Variants in ST6GAL2 observed in about 807,000 individuals in gnomAD.
ST6GAL2 encodes beta-galactoside alpha-2,6-sialyltransferase 2.
ST6GAL2 carries 24 observed loss-of-function variants against 37.5 expected under a neutral mutation model. The observed-to-expected ratio is 0.64, with a 90% confidence interval of 0.46 to 0.90. The LOEUF is 0.90. Ranked by LOEUF, ST6GAL2 falls within the 40% of genes least tolerant of loss-of-function variation. ST6GAL2 has a pLI of 0.00. For missense variants in ST6GAL2, 715 were observed against 712.7 expected (o/e 1.00, Z -0.04); for synonymous variants, 306 against 295.1 (o/e 1.04, Z -0.38).
chr2:106,829,955 G>C lies in ST6GAL2; in HGVS notation c.1318+111C>G, dbSNP rs1011233583. ...AAATCAGAAATACTTCTGGTTCCAG[G>C]CATTTCAGATAAGGTATTTTCAACC... On this transcript the variant is annotated intron_variant, in intron 5 of 5. Transcript: ENST00000409382. 2.0e-5 allele frequency: 20 copies of C among 997,272 alleles called. 1 individual carries two copies. In the South Asian group the frequency reaches 2.7e-4, roughly 14 times the overall value. 61.8% of individuals were successfully genotyped at this position (997,272 alleles called of 1,614,324 possible).
In ST6GAL2 at chr2:106,806,574, A is replaced by C; in HGVS notation, c.*104T>G. The C allele has an allele frequency of 1.5e-6, 2 of 1,312,202 alleles. No individual in the cohort carries two copies. Among genetic ancestry groups the C allele is most frequent in the Non-Finnish European group, 2.1e-6 (2 of 946,554 alleles). The allele number at this position is 1,312,202 out of a possible 1,614,324, so 81.3% of individuals were successfully genotyped here. On this transcript the variant is annotated 3_prime_UTR_variant, in exon 6 of 6. Transcript: ENST00000409382. ...ATGACCACCACTAAATTACTGTTTA[A>C]AGACTCAAAACTACACTGTCTAAAA...
chr2:106,852,921 G>A lies in ST6GAL2; in HGVS notation c.-57-8887C>T, dbSNP rs540736537. 9.9e-5 allele frequency among the ~76,000 whole-genome samples: 15 copies of A among 152,258 alleles called. No homozygotes were observed. In the South Asian group the frequency reaches 1.7e-3, roughly 17 times the overall value. ...CTCACTCACATTGTCTCGATTCCTC[G>A]TCTCAGTTTAATCTTGACAACAAAT... is the stretch of plus-strand genomic sequence containing the variant. On this transcript the variant is annotated intron_variant, in intron 1 of 5. Transcript: ENST00000409382.
Position 106,809,432 on chromosome 2 carries a change from C to T in ST6GAL2, c.1319-2483G>A, listed in dbSNP as rs915107302. Among the ~76,000 whole-genome samples the T allele has an allele frequency of 8.5e-5, 13 of 152,200 alleles. 1 individual carries two copies. In the South Asian group the frequency reaches 1.0e-3, roughly 12 times the overall value. On this transcript the variant is annotated intron_variant, in intron 5 of 5. Coordinates refer to ENST00000409382, the MANE Select transcript of ST6GAL2 (RefSeq NM_001142351.2). Reference sequence around the variant, plus strand: ...TTTCTATGAGCTAATAACACAATGGCGTCCGTAAGGACTGGAGTCAGTTGT... The same window carrying T: ...TTTCTATGAGCTAATAACACAATGGTGTCCGTAAGGACTGGAGTCAGTTGT...
intron 2 of ST6GAL2, among the ~76,000 whole-genome samples, chr2:106,841,921 C>T (rs1244240309): frequency 1.3e-5 from 2 of 152,154 alleles, no homozygotes; most frequent in South Asian, 2.1e-4. Context: ...GCCACAGTGC[C>T]CAGCTGGTTG....
intron 1 of ST6GAL2, among the ~76,000 whole-genome samples, chr2:106,871,759 G>T (rs566559733): frequency 6.6e-6 from 1 of 152,146 alleles, no homozygotes; most frequent in African/African-American, 2.4e-5. Flanking sequence ...GCAGTAACAC[G>T]CATGGAACTG....
In ST6GAL2 at chr2:106,819,174, G is replaced by A. The variant is rs1675909954; in HGVS notation, c.1318+10892C>T. On this transcript the variant is annotated intron_variant, in intron 5 of 5. Coordinates refer to ENST00000409382, the MANE Select transcript of ST6GAL2 (RefSeq NM_001142351.2). Reference sequence around the variant, plus strand: ...GGTAGAGCAAGATATAGGGGTAGAAGGTTTATTCAAAGGGATAATAACAGA... The same window carrying A: ...GGTAGAGCAAGATATAGGGGTAGAAAGTTTATTCAAAGGGATAATAACAGA... Among the ~76,000 whole-genome samples, 4 of 151,972 alleles carry A rather than the reference G, an allele frequency of 2.6e-5. No individual in the cohort carries two copies. The South Asian group carries it at 8.3e-4, about 32-fold the overall frequency.
intron 5 of ST6GAL2, among the ~76,000 whole-genome samples, chr2:106,812,110 T>G (rs1021587343): frequency 1.3e-5 from 2 of 152,168 alleles, no homozygotes; most frequent in Non-Finnish European, 2.9e-5. Flanking sequence ...GTCACGTGAG[T>G]GGAGCCCTCA....
Position 106,804,339 on chromosome 2 carries a change from G to A in ST6GAL2, c.*2339C>T, listed in dbSNP as rs1675348031. On this transcript the variant is annotated 3_prime_UTR_variant, in exon 6 of 6. Coordinates refer to ENST00000409382, the MANE Select transcript of ST6GAL2 (RefSeq NM_001142351.2). ...CATGTCAGCCAAGGGGGATTATGCTGGATAGTAAGGATGTCTACAAGTAAA... is the reference window on the plus strand; with the variant it reads ...CATGTCAGCCAAGGGGGATTATGCTAGATAGTAAGGATGTCTACAAGTAAA... 6.6e-6 allele frequency: 1 copy of A among 152,130 alleles called. No homozygotes were observed. Among genetic ancestry groups the A allele is most frequent in the Non-Finnish European group, 1.5e-5 (1 of 68,012 alleles). The allele number at this position is 152,130 out of a possible 1,614,324, so 9.4% of individuals were successfully genotyped here. A position where few individuals can be genotyped will look rare whatever the true frequency, so the allele number is the denominator to read the frequency against.
At chr2:106,859,563 C>A (rs1677717558) in intron 1 of ST6GAL2, among the ~76,000 whole-genome samples, 1 of 152,200 alleles carries the variant, frequency 6.6e-6, no homozygotes, top group Non-Finnish European at 1.5e-5. Context: ...TTGCCCAGGT[C>A]TAAAACTCTG....
intron 1 of ST6GAL2, among the ~76,000 whole-genome samples, chr2:106,868,953 G>A (rs1678150080): frequency 6.6e-6 from 1 of 152,236 alleles, no homozygotes; most frequent in East Asian, 1.9e-4. Flanking sequence ...AAAGTAGACT[G>A]GTGGTGGGCC....
intron 4 of ST6GAL2, among the ~76,000 whole-genome samples, chr2:106,831,302 C>G (rs539270140): frequency 6.6e-6 from 1 of 152,220 alleles, no homozygotes; most frequent in African/African-American, 2.4e-5. Flanking sequence ...AAAGGCCTTA[C>G]AGAAAGCGGC....
intron 1 of ST6GAL2, among the ~76,000 whole-genome samples, chr2:106,876,484 T>TA (rs869302948): frequency 3.9e-5 from 6 of 152,166 alleles, no homozygotes; most frequent in Non-Finnish European, 8.8e-5. Flanking sequence ...CCTTATTTTT[T>TA]AAAAAAGATA....
intron 1 of ST6GAL2, among the ~76,000 whole-genome samples, chr2:106,882,744 C>T (rs529838235): frequency 1.6e-4 from 25 of 152,286 alleles, no homozygotes; most frequent in African/African-American, 5.3e-4. Context: ...CTAAGAAAGT[C>T]CAGTGCAAAA....
intron 1 of ST6GAL2, among the ~76,000 whole-genome samples, chr2:106,844,712 T>G (rs1034116350): frequency 4.6e-5 from 7 of 152,210 alleles, no homozygotes; most frequent in African/African-American, 1.7e-4. Flanking sequence ...TACTTCACCC[T>G]TACCGTGAAC....
chr2:106,848,207 A>G (rs1677222822), intron 1 of ST6GAL2, among the ~76,000 whole-genome samples: 1 of 151,922 alleles, frequency 6.6e-6, no homozygotes, highest in Non-Finnish European at 1.5e-5. Flanking sequence ...CTTTCTGGTG[A>G]TCAGAGCCCA....
chr2:106,823,507 CGAGA>C (rs61605062), intron 5 of ST6GAL2, among the ~76,000 whole-genome samples: 509 of 137,214 alleles, frequency 3.7e-3, no homozygotes, highest in African/African-American at 0.014. Context: ...AGAGAGAGAT[CGAGA>C]GAGAGAGAGA....
At position 106,824,503 on chromosome 2, in the gene ST6GAL2, G is replaced by A. The variant is rs1157122872; in HGVS notation, c.1318+5563C>T. On this transcript the variant is annotated intron_variant, in intron 5 of 5. Coordinates refer to ENST00000409382, the MANE Select transcript of ST6GAL2 (RefSeq NM_001142351.2). ...AAAAATTAGCTGGGCACGGTGGCAC[G>A]CGCCTGTAGTCCCAGCCACTCGGGG... Among the ~76,000 whole-genome samples, 5 of 152,164 alleles carry A rather than the reference G, an allele frequency of 3.3e-5. No individual in the cohort carries two copies. In the East Asian group the frequency reaches 5.8e-4, roughly 18 times the overall value.
At chr2:106,871,118 C>T (rs1365913484) in intron 1 of ST6GAL2, among the ~76,000 whole-genome samples, 3 of 152,138 alleles carry the variant, frequency 2.0e-5, no homozygotes, top group African/African-American at 7.2e-5. Context: ...CAAACGTGTA[C>T]AGCATGTCAC....
chr2:106,830,604 G>A (rs1676383888), intron 4 of ST6GAL2, among the ~76,000 whole-genome samples: 2 of 152,164 alleles, frequency 1.3e-5, no homozygotes, highest in Admixed American at 1.3e-4. Flanking sequence ...AGCAGTCATG[G>A]ACAATAAATA....
Sources: gnomAD v4.1 joint callset for allele counts (sites outside exome capture counted in the v4.1 genomes callset) on GRCh38, gnomAD v4.1.1 for gene constraint, MANE v1.5 for transcripts, NCBI Gene and HGNC (gene_info 2026-07-23, HGNC 2026-07-21) for gene names.